ARHGAP25: variants seen among roughly 807,000 people sequenced by gnomAD.
ARHGAP25 encodes rho GTPase-activating protein 25.
Under a neutral mutation model 71.0 loss-of-function variants are expected in ARHGAP25, and 34 were observed. The observed-to-expected ratio is 0.48, with a 90% CI of 0.36 to 0.64. The LOEUF (loss-of-function observed/expected upper bound fraction) is 0.64, where lower values mean the gene tolerates loss of function less well. ARHGAP25 is among the 30% of genes least tolerant of loss of function. ARHGAP25 has a pLI of 0.00. For synonymous variants in ARHGAP25, 282 were observed against 296.5 expected, an observed-to-expected ratio of 0.95 and a Z score of 0.50; for missense variants, 706 against 805.1, an observed-to-expected ratio of 0.88 and a Z score of 1.49.
intron 2 of ARHGAP25, among the ~76,000 whole-genome samples, chr2:68,711,296 G>C (rs888474673): frequency 4.2e-4 from 64 of 152,138 alleles, no homozygotes; most frequent in African/African-American, 1.5e-3. Context: ...TTTCCAAAGG[G>C]GAAGAGTGAC....
At chr2:68,795,508 T>A (rs1001192284) in intron 4 of ARHGAP25, among the ~76,000 whole-genome samples, 6 of 152,222 alleles carry the variant, frequency 3.9e-5, no homozygotes, top group Non-Finnish European at 7.4e-5. Context: ...TCTATCTTAA[T>A]TTCTTCATTG....
intron 4 of ARHGAP25, among the ~76,000 whole-genome samples, chr2:68,789,290 G>A (rs1035340027): frequency 1.3e-5 from 2 of 152,006 alleles, no homozygotes; most frequent in African/African-American, 2.4e-5. Flanking sequence ...CACCCGCCTC[G>A]GCCTCCCAAA....
At chr2:68,752,926 A>C (rs550876338) in intron 1 of ARHGAP25, among the ~76,000 whole-genome samples, 2 of 152,178 alleles carry the variant, frequency 1.3e-5, no homozygotes, top group Admixed American at 6.5e-5. Flanking sequence ...TCTCATCACT[A>C]TTTTGATCCA....
intron 1 of ARHGAP25, among the ~76,000 whole-genome samples, chr2:68,754,896 A>C (rs917522071): frequency 1.5e-4 from 22 of 151,606 alleles, no homozygotes; most frequent in African/African-American, 5.3e-4. Flanking sequence ...TTGCTCATTA[A>C]AAAATTTTCT....
chr2:68,785,688 C>T (rs1678709858), intron 3 of ARHGAP25, among the ~76,000 whole-genome samples: 1 of 152,038 alleles, frequency 6.6e-6, no homozygotes, highest in Admixed American at 6.6e-5. Context: ...AGAATAAGGA[C>T]TCCCCACTCA....
chr2:68,756,008 A>C (rs1044627628), intron 1 of ARHGAP25, among the ~76,000 whole-genome samples: 1 of 152,252 alleles, frequency 6.6e-6, no homozygotes, highest in Non-Finnish European at 1.5e-5. Flanking sequence ...TTATGTGTAC[A>C]TGGCAGAATC....
At chr2:68,771,774 G>C (rs1460703054) in intron 1 of ARHGAP25, among the ~76,000 whole-genome samples, 1 of 152,194 alleles carries the variant, frequency 6.6e-6, no homozygotes, top group Non-Finnish European at 1.5e-5. Flanking sequence ...ACTTATAACA[G>C]GTGGCCCAGT....
chr2:68,763,452 C>G (rs770985134), intron 1 of ARHGAP25, among the ~76,000 whole-genome samples: 11 of 152,154 alleles, frequency 7.2e-5, no homozygotes, highest in African/African-American at 2.4e-4. Context: ...CAATACAGAG[C>G]GTTCCTTCAA....
intron 4 of ARHGAP25, among the ~76,000 whole-genome samples, chr2:68,796,712 C>T (rs1679568535): frequency 6.6e-6 from 1 of 152,114 alleles, no homozygotes; most frequent in Admixed American, 6.5e-5. Context: ...GTGTGTTTCT[C>T]CTTGAGACCT....
At chr2:68,749,437 A>G (rs1458321661) in intron 1 of ARHGAP25, among the ~76,000 whole-genome samples, 2 of 152,142 alleles carry the variant, frequency 1.3e-5, no homozygotes, top group Admixed American at 6.5e-5. Context: ...TAGATCTCAC[A>G]TTCATCCACT....
chr2:68,791,187 A>ATT (rs752965113), intron 4 of ARHGAP25, among the ~76,000 whole-genome samples: 2 of 152,126 alleles, frequency 1.3e-5, no homozygotes, highest in African/African-American at 2.4e-5. Flanking sequence ...CTTGGCACAT[A>ATT]ACCTCTTCTA....
intron 2 of ARHGAP25, among the ~76,000 whole-genome samples, chr2:68,721,347 A>C (rs1172927053): frequency 6.6e-6 from 1 of 152,152 alleles, no homozygotes; most frequent in Non-Finnish European, 1.5e-5. Context: ...CTCATGGATA[A>C]AGTATGGATT....
intron 4 of ARHGAP25, 129 bp downstream of exon 4, chr2:68,788,085 C>T: frequency 2.8e-6 from 2 of 722,528 alleles, no homozygotes; most frequent in Non-Finnish European, 4.8e-6. Context: ...TCTGCATGCC[C>T]ATGGCCAAGT....
At chr2:68,780,102 T>C (rs1678213617) in intron 2 of ARHGAP25, among the ~76,000 whole-genome samples, 1 of 152,254 alleles carries the variant, frequency 6.6e-6, no homozygotes, top group South Asian at 2.1e-4. Context: ...TGAGCTTTAC[T>C]TCTTCCTTTC....
chr2:68,733,210 G>A (rs773742625), upstream of ARHGAP25, among the ~76,000 whole-genome samples: 1 of 152,178 alleles, frequency 6.6e-6, no homozygotes, highest in Non-Finnish European at 1.5e-5. Flanking sequence ...TGGACAGAGG[G>A]CTCAGAGTTG....
At chr2:68,798,236 G>A (rs1437532001) in intron 4 of ARHGAP25, among the ~76,000 whole-genome samples, 1 of 152,150 alleles carries the variant, frequency 6.6e-6, no homozygotes, top group East Asian at 1.9e-4. Flanking sequence ...ACCCTTATGA[G>A]CATGATTTCC....
intron 2 of ARHGAP25, among the ~76,000 whole-genome samples, chr2:68,713,589 A>G (rs545938354): frequency 1.0e-3 from 156 of 152,344 alleles, no homozygotes; most frequent in African/African-American, 3.6e-3. Context: ...TTCAAAGGGA[A>G]TGCTTCTAGC....
intron 8 of ARHGAP25, among the ~76,000 whole-genome samples, chr2:68,818,482 C>T (rs1681394078): frequency 6.6e-6 from 1 of 152,198 alleles, no homozygotes; most frequent in Non-Finnish European, 1.5e-5. Context: ...CATAAACCCC[C>T]ACACCCAGAT....
Position 68,750,602 on chromosome 2 carries a change from C to A in ARHGAP25, c.61+15342C>A, listed in dbSNP as rs114541372. On this transcript the variant is annotated intron_variant, in intron 1 of 10. Transcript: ENST00000409202. ...TCCCAAAGTGCTGGGATTGCAGGCA[C>A]GAGCCACCGCACCGGGCCGAGCACT... 9.0e-3 allele frequency among the ~76,000 whole-genome samples: 1,365 copies of A among 152,258 alleles called. 20 individuals are homozygous for A. The highest frequency in any genetic ancestry group is 0.031 in the African/African-American group (1,297 of 41,536).
Sources: allele counts gnomAD v4.1 joint callset (sites outside exome capture counted in the v4.1 genomes callset), GRCh38; gene constraint gnomAD v4.1.1; transcripts MANE v1.5; gene names NCBI Gene and HGNC (gene_info 2026-07-23, HGNC 2026-07-21).